LRBA: variants seen among roughly 807,000 people sequenced by gnomAD.
LRBA encodes the protein lipopolysaccharide-responsive and beige-like anchor protein.
LRBA carries 176 observed loss-of-function variants against 330.0 expected under a neutral mutation model. The observed-to-expected ratio is 0.53, with a 90% CI of 0.47 to 0.60. The LOEUF is 0.60. Among genes scored for constraint, LRBA ranks in the 20% least tolerant of loss-of-function variants. LRBA has a pLI of 0.00. For missense variants in LRBA, 3,259 were observed against 3,444.8 expected (o/e 0.95, Z 1.35); for synonymous variants, 1,230 against 1,193.0 (o/e 1.03, Z -0.64).
chr4:150,890,735 T>C (rs111679803), intron 17 of LRBA, among the ~76,000 whole-genome samples: 1,650 of 152,274 alleles, frequency 0.011, 36 homozygotes, highest in African/African-American at 0.036. Flanking sequence ...TAAGATGAGT[T>C]AGTCACAAGG....
chr4:150,767,626 C>T (rs1582288833), intron 34 of LRBA, among the ~76,000 whole-genome samples: 2 of 150,476 alleles, frequency 1.3e-5, no homozygotes, highest in East Asian at 2.0e-4. Flanking sequence ...GGCATGGTGG[C>T]GGGTGCCTGT....
chr4:150,798,056 T>A (rs746820013), intron 34 of LRBA, 25 bp downstream of exon 34: 1 of 1,509,076 alleles, frequency 6.6e-7, no homozygotes. Flanking sequence ...CTACTTTTAA[T>A]TCAACATTTA....
At chr4:150,776,602 C>T (rs1286383896) in intron 34 of LRBA, among the ~76,000 whole-genome samples, 1 of 152,012 alleles carries the variant, frequency 6.6e-6, no homozygotes, top group African/African-American at 2.4e-5. Flanking sequence ...TCACCTGAGG[C>T]CAGGAATTCA....
chr4:150,604,197 T>C (rs1275153008), intron 37 of LRBA, among the ~76,000 whole-genome samples: 1 of 151,822 alleles, frequency 6.6e-6, no homozygotes, highest in Admixed American at 6.6e-5. Context: ...CTGCTTGAGG[T>C]CAGGAGTTCA....
At chr4:150,466,386 T>C (rs1387973987) in intron 44 of LRBA, among the ~76,000 whole-genome samples, 3 of 152,084 alleles carry the variant, frequency 2.0e-5, no homozygotes, top group African/African-American at 7.2e-5. Context: ...TGGGCAATGA[T>C]CTTCTGACTG....
At chr4:150,430,920 T>A (rs1232349494) in intron 46 of LRBA, among the ~76,000 whole-genome samples, 1 of 152,108 alleles carries the variant, frequency 6.6e-6, no homozygotes, top group African/African-American at 2.4e-5. Flanking sequence ...CAAGTCAGAT[T>A]GTACTTCACC....
At chr4:150,861,478 C>T (rs1339689250) in intron 22 of LRBA, among the ~76,000 whole-genome samples, 1 of 151,982 alleles carries the variant, frequency 6.6e-6, no homozygotes, top group Non-Finnish European at 1.5e-5. Flanking sequence ...CAAATATAAA[C>T]ATAGAAAAGG....
chr4:150,535,711 A>G (rs1185364916), intron 40 of LRBA, among the ~76,000 whole-genome samples: 1 of 152,216 alleles, frequency 6.6e-6, no homozygotes, highest in Non-Finnish European at 1.5e-5. Context: ...ATCTGTAAAC[A>G]TTCTACATTT....
intron 56 of LRBA, among the ~76,000 whole-genome samples, chr4:150,267,410 GTAAA>G (rs952663468): frequency 6.8e-5 from 10 of 147,320 alleles, no homozygotes; most frequent in East Asian, 2.0e-4. Context: ...TATGTGGAAA[GTAAA>G]TAAATGATGA....
At chr4:150,420,293 A>ACACATTATACTATAAAGTATATATAATG (rs1748467194) in intron 46 of LRBA, among the ~76,000 whole-genome samples, 1 of 113,014 alleles carries the variant, frequency 8.8e-6, no homozygotes, top group Admixed American at 1.0e-4. Context: ...TATATATAAT[A>ACACATTATACTATAAAGTATATATAATG]CACATTATAG....
intron 55 of LRBA, among the ~76,000 whole-genome samples, chr4:150,282,029 C>T (rs62344530): frequency 0.01 from 1,545 of 152,322 alleles, 14 homozygotes; most frequent in Non-Finnish European, 0.015. Flanking sequence ...GTCATAATCC[C>T]TACTGCTCCC....
chr4:150,532,578 G>A (rs1764158886), intron 40 of LRBA, among the ~76,000 whole-genome samples: 1 of 151,944 alleles, frequency 6.6e-6, no homozygotes, highest in African/African-American at 2.4e-5. Flanking sequence ...GATAATTTAT[G>A]AATTGGTATA....
At chr4:150,592,467 TAAG>T (rs755028065) in intron 38 of LRBA, among the ~76,000 whole-genome samples, 1 of 151,992 alleles carries the variant, frequency 6.6e-6, no homozygotes, top group Non-Finnish European at 1.5e-5. Flanking sequence ...TTCTATTTAA[TAAG>T]AAGTCATGGG....
chr4:150,639,373 G>GAAAAAAAAAAAAAAAAAAAA (rs1428774639), intron 37 of LRBA, among the ~76,000 whole-genome samples: 9 of 79,242 alleles, frequency 1.1e-4, no homozygotes, highest in Non-Finnish European at 2.5e-4. Flanking sequence ...AAAAAAAAAA[G>GAAAAAAAAAAAAAAAAAAAA]AAAAAAAAAA....
intron 43 of LRBA, among the ~76,000 whole-genome samples, chr4:150,469,008 T>G (rs1293740113): frequency 6.6e-6 from 1 of 151,810 alleles, no homozygotes; most frequent in Non-Finnish European, 1.5e-5. Context: ...ATTTCTCCAT[T>G]AAAAAAACCA....
intron 2 of LRBA, among the ~76,000 whole-genome samples, chr4:150,980,581 C>T (rs1011400794): frequency 1.3e-5 from 2 of 151,734 alleles, no homozygotes; most frequent in African/African-American, 2.4e-5. Flanking sequence ...ACCTGGGAGG[C>T]GGAGGTTGCA....
At chr4:150,906,596 A>G (rs1010743422) in intron 11 of LRBA, among the ~76,000 whole-genome samples, 191 bp from the exon 12 acceptor site, 3 of 152,208 alleles carry the variant, frequency 2.0e-5, no homozygotes, top group South Asian at 4.1e-4. Flanking sequence ...AGTTACTCAG[A>G]TATTTATTTC....
At chr4:150,497,756 G>A (rs1176866719) in intron 40 of LRBA, among the ~76,000 whole-genome samples, 1 of 152,070 alleles carries the variant, frequency 6.6e-6, no homozygotes, top group Non-Finnish European at 1.5e-5. Flanking sequence ...GTGGACGATG[G>A]GGCAGTTGGG....
At chr4:150,904,915 C>G (rs1321746054) in intron 13 of LRBA, among the ~76,000 whole-genome samples, 1 of 152,038 alleles carries the variant, frequency 6.6e-6, no homozygotes, top group Non-Finnish European at 1.5e-5. Context: ...GCTATTCCAA[C>G]TTAAACAATG....
Sources: allele counts gnomAD v4.1 joint callset (sites outside exome capture counted in the v4.1 genomes callset), GRCh38; gene constraint gnomAD v4.1.1; transcripts MANE v1.5; gene names NCBI Gene and HGNC (gene_info 2026-07-23, HGNC 2026-07-21).